CCDC7: variants seen among roughly 807,000 people sequenced by gnomAD.
CCDC7 encodes the protein coiled-coil domain containing 7.
CCDC7 carries 183 observed loss-of-function variants against 196.9 expected under a neutral mutation model. The observed-to-expected ratio is 0.93, with a 90% confidence interval of 0.82 to 1.05. The LOEUF (loss-of-function observed/expected upper bound fraction) is 1.05. Among genes scored for constraint, CCDC7 ranks in the 50% least tolerant of loss-of-function variants. The pLI is 0.00. For missense variants in CCDC7, 1,540 were observed against 1,482.2 expected (o/e 1.04, Z -0.64); for synonymous variants, 525 against 484.6 (o/e 1.08, Z -1.10).
At position 32,580,584 on chromosome 10, in the gene CCDC7, A is replaced by G. The variant is rs1213510626; in HGVS notation, c.1455-2450A>G. Among the ~76,000 whole-genome samples, 3 of 152,116 alleles carry G rather than the reference A, an allele frequency of 2.0e-5. No homozygotes were observed. The East Asian group carries it at 5.8e-4, about 29-fold the overall frequency. On this transcript the variant is annotated intron_variant, in intron 16 of 41. Coordinates refer to ENST00000639629, the Ensembl canonical transcript of CCDC7. ...TCATGTTAGTTTGTACTGTATTACA[A>G]ACTTCGGGTCCTAGATATTTTTGTT...
intron 20 of CCDC7, among the ~76,000 whole-genome samples, chr10:32,640,169 G>A (rs191033984): frequency 6.6e-6 from 1 of 152,112 alleles, no homozygotes; most frequent in African/African-American, 2.4e-5. Flanking sequence ...TTATTTTGTG[G>A]GAGTCTAAGT....
intron 20 of CCDC7, among the ~76,000 whole-genome samples, chr10:32,660,043 C>A (rs191994086): frequency 2.0e-5 from 3 of 152,290 alleles, no homozygotes; most frequent in African/African-American, 7.2e-5. Context: ...CTGTTTGGTG[C>A]TCACTGCTTT....
intron 25 of CCDC7, among the ~76,000 whole-genome samples, chr10:32,713,413 GACCTT>G (rs1468303706): frequency 1.3e-5 from 2 of 152,088 alleles, no homozygotes; most frequent in Non-Finnish European, 2.9e-5. Flanking sequence ...GGGACCTAGG[GACCTT>G]GTACTAACCC....
intron 11 of CCDC7, among the ~76,000 whole-genome samples, chr10:32,530,352 T>C (rs971351519): frequency 1.4e-4 from 21 of 150,856 alleles, no homozygotes; most frequent in Middle Eastern, 6.9e-3. Flanking sequence ...GTTTGTAGAT[T>C]GCTTTTGGCA....
chr10:32,514,728 T>G (rs1021545543), intron 9 of CCDC7: 5 of 152,192 alleles, frequency 3.3e-5, no homozygotes, highest in African/African-American at 1.2e-4. Context: ...AATGCAAGAC[T>G]TGGGCACTGA....
rs941586739 is a variant in CCDC7 at position 32,700,211 on chromosome 10, G to C, written c.2458+5219G>C. Among the ~76,000 whole-genome samples the C allele has an allele frequency of 4.0e-5, 6 of 149,016 alleles. No individual in the cohort carries two copies. The East Asian group carries it at 5.8e-4, about 14-fold the overall frequency. ...AGGTCTAACATTTAAGTCTTTAATC[G>C]ATCTTGAATTAATTTTTGTATAAGG... On this transcript the variant is annotated intron_variant, in intron 24 of 41. Transcript: ENST00000639629.
At chr10:32,498,287 G>C (rs531957299) in intron 9 of CCDC7, among the ~76,000 whole-genome samples, 20 of 152,036 alleles carry the variant, frequency 1.3e-4, no homozygotes, top group African/African-American at 3.9e-4. Flanking sequence ...GTGTGTCTTT[G>C]CATGTGAGAT....
At chr10:32,791,628 G>A (rs768434299) in intron 29 of CCDC7, among the ~76,000 whole-genome samples, 1 of 150,470 alleles carries the variant, frequency 6.6e-6, no homozygotes, top group South Asian at 2.1e-4. Context: ...TCAAGCAGAA[G>A]AAAAAAAATC....
chr10:32,671,658 G>T (rs1257466947), intron 21 of CCDC7, among the ~76,000 whole-genome samples: 1 of 152,100 alleles, frequency 6.6e-6, no homozygotes, highest in African/African-American at 2.4e-5. Context: ...CATGTTTCTT[G>T]TTGCTTTACA....
chr10:32,679,282 T>C (rs1208502808), intron 21 of CCDC7, among the ~76,000 whole-genome samples: 1 of 152,144 alleles, frequency 6.6e-6, no homozygotes, highest in African/African-American at 2.4e-5. Context: ...AAAAGCCCAA[T>C]AGATTCCTCT....
chr10:32,477,443 C>T (rs919484048), intron 8 of CCDC7, among the ~76,000 whole-genome samples: 6 of 152,112 alleles, frequency 3.9e-5, no homozygotes, highest in South Asian at 2.1e-4. Context: ...ACTCGTGATC[C>T]GCCTGCCTCA....
At chr10:32,513,494 G>C (rs1398838466) in intron 9 of CCDC7, 4 of 151,988 alleles carry the variant, frequency 2.6e-5, no homozygotes, top group Non-Finnish European at 5.9e-5. Context: ...CATTCTATGA[G>C]ATTAGTGTTA....
intron 11 of CCDC7, among the ~76,000 whole-genome samples, chr10:32,525,396 C>A (rs1367754860): frequency 1.3e-5 from 2 of 152,094 alleles, no homozygotes; most frequent in Non-Finnish European, 2.9e-5. Context: ...CTGCTTGATT[C>A]TTTTAAAATA....
Position 32,709,401 on chromosome 10 carries a change from A to G in CCDC7, c.2459-2219A>G, listed in dbSNP as rs192851282. On this transcript the variant is annotated intron_variant, in intron 24 of 41. Coordinates refer to ENST00000639629, the Ensembl canonical transcript of CCDC7. ...AAGTCAATTGGTGCAGCACATCAAC[A>G]TGGCACATGTATACATATGTAATAA... Among the ~76,000 whole-genome samples, 58 of 152,204 alleles carry G rather than the reference A, an allele frequency of 3.8e-4. No individual in the cohort carries two copies. In the East Asian group the frequency reaches 0.011, roughly 29 times the overall value.
chr10:32,456,365 A>G, intron 3 of CCDC7, 31 bp downstream of exon 4: 1 of 1,435,596 alleles, frequency 7.0e-7, no homozygotes, highest in South Asian at 1.7e-5. Context: ...GTCAAGTATA[A>G]AATATCAAAC....
intron 20 of CCDC7, among the ~76,000 whole-genome samples, chr10:32,637,648 T>G (rs1256060094): frequency 1.3e-5 from 2 of 152,208 alleles, no homozygotes; most frequent in South Asian, 2.1e-4. Context: ...TAGTATAGTT[T>G]GAAGTCAGGT....
intron 11 of CCDC7, among the ~76,000 whole-genome samples, chr10:32,529,929 T>C (rs910507943): frequency 1.3e-5 from 2 of 152,218 alleles, no homozygotes; most frequent in African/African-American, 2.4e-5. Flanking sequence ...CTTTGATCCA[T>C]CTTGAGTTGA....
chr10:32,562,322 A>C (rs1418810693), intron 13 of CCDC7, among the ~76,000 whole-genome samples: 1 of 152,220 alleles, frequency 6.6e-6, no homozygotes, highest in African/African-American at 2.4e-5. Flanking sequence ...TCATCCTGAT[A>C]TCAAAGCCGG....
chr10:32,815,259 C>T (rs987546777), intron 31 of CCDC7, among the ~76,000 whole-genome samples: 2 of 151,978 alleles, frequency 1.3e-5, no homozygotes, highest in Admixed American at 1.3e-4. Context: ...TTGTGAGAGT[C>T]CTACACGTTA....
Sources: gnomAD v4.1 joint callset for allele counts (sites outside exome capture counted in the v4.1 genomes callset) on GRCh38, gnomAD v4.1.1 for gene constraint, MANE v1.5 for transcripts, NCBI Gene and HGNC (gene_info 2026-07-23, HGNC 2026-07-21) for gene names.